CHN1: variants seen among roughly 807,000 people sequenced by gnomAD.
The protein encoded by CHN1 is N-chimaerin.
In CHN1, 37 loss-of-function variants were observed where a neutral mutation model predicts 59.5. The ratio of observed to expected loss-of-function variants is 0.62; its 90% CI spans 0.48 to 0.82. The LOEUF (loss-of-function observed/expected upper bound fraction) is 0.82, where lower values mean the gene tolerates loss of function less well. Among genes scored for constraint, CHN1 ranks in the 40% least tolerant of loss-of-function variants. CHN1 has a pLI of 0.00. For synonymous variants in CHN1, 206 were observed against 200.4 expected (o/e 1.03, Z -0.24); for missense variants, 469 against 571.0 (o/e 0.82, Z 1.82).
At chr2:174,881,077 T>C (rs1390986180) in intron 5 of CHN1, among the ~76,000 whole-genome samples, 1 of 151,760 alleles carries the variant, frequency 6.6e-6, no homozygotes, top group Non-Finnish European at 1.5e-5. Flanking sequence ...GTCTTCAGAT[T>C]GATCTATTTT....
intron 7 of CHN1, among the ~76,000 whole-genome samples, chr2:174,839,272 G>A (rs766535797): frequency 2.6e-5 from 4 of 151,956 alleles, no homozygotes; most frequent in Admixed American, 6.6e-5. Flanking sequence ...TAAAAATTGC[G>A]TGTTTTTCCT....
chr2:174,839,965 ATCTC>A (rs561532144), intron 7 of CHN1, among the ~76,000 whole-genome samples: 3 of 152,006 alleles, frequency 2.0e-5, no homozygotes, highest in Admixed American at 6.6e-5. Flanking sequence ...ACAAAAAAAA[ATCTC>A]TCTCCAAAGT....
intron 5 of CHN1, among the ~76,000 whole-genome samples, chr2:174,888,641 T>C (rs914973669): frequency 3.3e-4 from 50 of 152,150 alleles, no homozygotes; most frequent in Admixed American, 1.5e-3. Flanking sequence ...AGGAGGTGCA[T>C]TGAAAGGTAA....
At chr2:174,985,268 A>G (rs1691301543) in intron 1 of CHN1, among the ~76,000 whole-genome samples, 1 of 152,218 alleles carries the variant, frequency 6.6e-6, no homozygotes, top group Non-Finnish European at 1.5e-5. Flanking sequence ...TAATTTCAAC[A>G]TCATTCCCTT....
intron 7 of CHN1, among the ~76,000 whole-genome samples, chr2:174,827,757 A>G (rs904118292): frequency 1.3e-5 from 2 of 152,226 alleles, no homozygotes; most frequent in African/African-American, 2.4e-5. Context: ...AGGAGGCAGA[A>G]TCAACAGCGC....
chr2:174,844,605 T>C (rs1400931395), intron 7 of CHN1, among the ~76,000 whole-genome samples: 1 of 152,220 alleles, frequency 6.6e-6, no homozygotes, highest in African/African-American at 2.4e-5. Flanking sequence ...ATTTCTGAAC[T>C]GTACATACAT....
At chr2:174,980,768 A>G (rs1691120761) in intron 1 of CHN1, among the ~76,000 whole-genome samples, 1 of 152,174 alleles carries the variant, frequency 6.6e-6, no homozygotes, top group Admixed American at 6.5e-5. Flanking sequence ...AAATGAATCT[A>G]AACTATGATA....
At chr2:174,895,336 A>G (rs186046789) in intron 5 of CHN1, among the ~76,000 whole-genome samples, 4 of 152,106 alleles carry the variant, frequency 2.6e-5, no homozygotes, top group Admixed American at 6.5e-5. Flanking sequence ...AAATAAGCCA[A>G]TCATAAAAAG....
intron 2 of CHN1, among the ~76,000 whole-genome samples, chr2:174,945,786 AT>A (rs1336536699): frequency 2.0e-5 from 3 of 152,126 alleles, no homozygotes; most frequent in African/African-American, 7.2e-5. Flanking sequence ...CAGATAACGG[AT>A]GACTCAGATT....
intron 11 of CHN1, among the ~76,000 whole-genome samples, chr2:174,803,462 G>C (rs1222044239): frequency 2.0e-5 from 3 of 152,160 alleles, no homozygotes; most frequent in Admixed American, 6.5e-5. Flanking sequence ...CCTTTAAAAA[G>C]TGCCAATTTA....
At chr2:174,935,676 A>G (rs1689476272) in intron 3 of CHN1, among the ~76,000 whole-genome samples, 1 of 152,216 alleles carries the variant, frequency 6.6e-6, no homozygotes, top group Admixed American at 6.5e-5. Flanking sequence ...CTGTAATCCC[A>G]GCACTTTGGG....
At chr2:174,915,303 G>C in intron 4 of CHN1, 132 bp from the exon 5 acceptor site, 2 of 716,596 alleles carry the variant, frequency 2.8e-6, no homozygotes, top group Non-Finnish European at 4.7e-6. Context: ...TGGAAGGGAA[G>C]CACTTGGGTT....
At chr2:174,882,545 T>G (rs1160707657) in intron 5 of CHN1, among the ~76,000 whole-genome samples, 1 of 152,202 alleles carries the variant, frequency 6.6e-6, no homozygotes, top group Non-Finnish European at 1.5e-5. Flanking sequence ...AATTCTAATT[T>G]GAGGCCAAAG....
At chr2:174,966,081 T>C (rs1010326675) in intron 1 of CHN1, among the ~76,000 whole-genome samples, 1 of 152,168 alleles carries the variant, frequency 6.6e-6, no homozygotes, top group African/African-American at 2.4e-5. Flanking sequence ...ACTAAACTTC[T>C]TTCCTAGAAG....
chr2:174,885,955 A>C (rs938189420), intron 5 of CHN1, among the ~76,000 whole-genome samples: 3 of 152,222 alleles, frequency 2.0e-5, no homozygotes, highest in Non-Finnish European at 4.4e-5. Context: ...GCCTAGAAAT[A>C]ATCAACATGT....
intron 1 of CHN1, among the ~76,000 whole-genome samples, chr2:174,961,032 G>A (rs1690382039): frequency 6.6e-6 from 1 of 152,040 alleles, no homozygotes; most frequent in African/African-American, 2.4e-5. Flanking sequence ...GGAAACTGGG[G>A]TGGAAGGATC....
At chr2:174,924,569 A>G (rs1365365962) in intron 3 of CHN1, among the ~76,000 whole-genome samples, 1 of 152,214 alleles carries the variant, frequency 6.6e-6, no homozygotes, top group Non-Finnish European at 1.5e-5. Context: ...CTAATAGGGT[A>G]GAGAAGTTTT....
intron 6 of CHN1, among the ~76,000 whole-genome samples, chr2:174,871,260 T>C (rs370251311): frequency 1.7e-4 from 18 of 106,070 alleles, no homozygotes; most frequent in South Asian, 5.6e-4. Flanking sequence ...CAAAAGACAA[T>C]TGTTTTCTAC....
At chr2:174,936,500 T>C (rs1689499830) in intron 3 of CHN1, among the ~76,000 whole-genome samples, 1 of 152,184 alleles carries the variant, frequency 6.6e-6, no homozygotes, top group South Asian at 2.1e-4. Flanking sequence ...TCTATATACA[T>C]ACATGCACAC....
Sources: gnomAD v4.1 joint callset for allele counts (sites outside exome capture counted in the v4.1 genomes callset) on GRCh38, gnomAD v4.1.1 for gene constraint, MANE v1.5 for transcripts, NCBI Gene and HGNC (gene_info 2026-07-23, HGNC 2026-07-21) for gene names.